NPAS3: variants seen among roughly 807,000 people sequenced by gnomAD.
The protein encoded by NPAS3 is neuronal PAS domain-containing protein 3.
NPAS3 carries 14 observed loss-of-function variants against 73.1 expected under a neutral mutation model. The observed-to-expected ratio is 0.19, with a 90% CI of 0.13 to 0.30. NPAS3 has a LOEUF of 0.30. Among genes scored for constraint, NPAS3 ranks in the 10% least tolerant of loss-of-function variants. The pLI is 1.00. For missense variants in NPAS3, 1,096 were observed against 1,250.0 expected (o/e 0.88, Z 1.86); for synonymous variants, 620 against 541.5 (o/e 1.14, Z -2.01).
intron 4 of NPAS3, among the ~76,000 whole-genome samples, chr14:33,415,582 G>A (rs910184797): frequency 2.0e-5 from 3 of 152,066 alleles, no homozygotes; most frequent in Non-Finnish European, 2.9e-5. Context: ...ATGTACCATA[G>A]CATACTTGAA....
chr14:33,362,986 T>C (rs528106101), intron 3 of NPAS3, among the ~76,000 whole-genome samples: 3 of 152,228 alleles, frequency 2.0e-5, no homozygotes, highest in South Asian at 2.1e-4. Context: ...CTGTGAACCA[T>C]GCTGGCAAGG....
intron 5 of NPAS3, among the ~76,000 whole-genome samples, chr14:33,664,860 C>T (rs1209268524): frequency 1.3e-5 from 2 of 152,166 alleles, no homozygotes; most frequent in African/African-American, 4.8e-5. Flanking sequence ...CAGGAAACAA[C>T]AGATCCTAGA....
intron 2 of NPAS3, among the ~76,000 whole-genome samples, chr14:33,166,118 T>C (rs963787783): frequency 3.3e-5 from 5 of 152,188 alleles, no homozygotes; most frequent in Non-Finnish European, 4.4e-5. Flanking sequence ...ACCGGCCTCA[T>C]AGGCCTGCGA....
intron 2 of NPAS3, among the ~76,000 whole-genome samples, chr14:33,101,886 A>C (rs1401805525): frequency 6.6e-6 from 1 of 151,982 alleles, no homozygotes; most frequent in Non-Finnish European, 1.5e-5. Context: ...CCTATCTTCT[A>C]TTTCAGTATA....
intron 1 of NPAS3, among the ~76,000 whole-genome samples, chr14:32,948,050 C>T (rs2036332616): frequency 6.6e-6 from 1 of 152,132 alleles, no homozygotes; most frequent in Non-Finnish European, 1.5e-5. Context: ...GATTCCTCTA[C>T]TGATTAAAGT....
chr14:33,449,013 G>A (rs145391892), intron 4 of NPAS3, among the ~76,000 whole-genome samples: 14 of 152,312 alleles, frequency 9.2e-5, no homozygotes, highest in African/African-American at 3.4e-4. Flanking sequence ...GGAAATAAAG[G>A]AGGAGAAGGG....
chr14:33,290,721 T>A (rs985907245), intron 3 of NPAS3, among the ~76,000 whole-genome samples: 1 of 152,226 alleles, frequency 6.6e-6, no homozygotes, highest in Non-Finnish European at 1.5e-5. Context: ...GGTGGTTTGC[T>A]TTCTTCCATA....
chr14:33,433,429 G>A (rs2048859531), intron 4 of NPAS3, among the ~76,000 whole-genome samples: 1 of 152,120 alleles, frequency 6.6e-6, no homozygotes, highest in Non-Finnish European at 1.5e-5. Context: ...TTCTGACCCT[G>A]AATTATTTAA....
At chr14:33,166,422 A>T (rs1272007008) in intron 2 of NPAS3, among the ~76,000 whole-genome samples, 1 of 152,010 alleles carries the variant, frequency 6.6e-6, no homozygotes, top group Admixed American at 6.6e-5. Context: ...TACAGCCTGC[A>T]TTCCACCCTG....
intron 6 of NPAS3, among the ~76,000 whole-genome samples, chr14:33,694,277 T>C (rs1012193878): frequency 5.9e-5 from 9 of 152,310 alleles, no homozygotes; most frequent in East Asian, 1.9e-4. Context: ...AGAAATGATA[T>C]GTGTTAGTCT....
chr14:32,985,055 A>G lies in NPAS3; in HGVS notation c.50+45689A>G, dbSNP rs528504783. ...AGCCAAATTATATGTATTCTTTCAT[A>G]CTGGGAGTTCTTTAAATTGTGGTAA... On this transcript the variant is annotated intron_variant, in intron 1 of 11. Coordinates refer to ENST00000356141, the Ensembl canonical transcript of NPAS3. Among the ~76,000 whole-genome samples, 10 of 152,318 alleles carry G rather than the reference A, an allele frequency of 6.6e-5. No individual in the cohort carries two copies. The East Asian group carries it at 1.7e-3, about 26-fold the overall frequency.
chr14:33,750,959 C>T (rs2140760234), intron 7 of NPAS3, among the ~76,000 whole-genome samples: 1 of 152,268 alleles, frequency 6.6e-6, no homozygotes, highest in East Asian at 1.9e-4. Context: ...ATAGGCTCAC[C>T]TACAGAGATA....
Position 33,445,391 on chromosome 14 carries a change from C to A in NPAS3, c.468+78123C>A, listed in dbSNP as rs759894733. On this transcript the variant is annotated intron_variant, in intron 4 of 11. Transcript: ENST00000356141. ...ACTGTCTTCTACTACAGCTATTCTC[C>A]TGTAGAATTTTACCTGTTTCACCCC... is the stretch of plus-strand genomic sequence containing the variant. 3.9e-5 allele frequency among the ~76,000 whole-genome samples: 6 copies of A among 152,212 alleles called. No individual in the cohort carries two copies. In the East Asian group the frequency reaches 1.2e-3, roughly 29 times the overall value.
At chr14:32,976,481 T>A (rs2037684182) in intron 1 of NPAS3, among the ~76,000 whole-genome samples, 1 of 152,204 alleles carries the variant, frequency 6.6e-6, no homozygotes, top group Non-Finnish European at 1.5e-5. Flanking sequence ...TATTCGTACT[T>A]TAGAAATGGA....
chr14:33,092,678 A>G (rs1338996376), intron 2 of NPAS3, among the ~76,000 whole-genome samples: 2 of 152,228 alleles, frequency 1.3e-5, no homozygotes, highest in Admixed American at 1.3e-4. Flanking sequence ...CTAAGCCAAA[A>G]GGACAAAGCT....
intron 4 of NPAS3, among the ~76,000 whole-genome samples, chr14:33,549,996 T>C (rs538502051): frequency 6.6e-6 from 1 of 152,274 alleles, no homozygotes; most frequent in South Asian, 2.1e-4. Flanking sequence ...CAACAAAAGA[T>C]TCACTTTAGG....
intron 3 of NPAS3, among the ~76,000 whole-genome samples, chr14:33,292,508 A>C (rs935316399): frequency 6.6e-6 from 1 of 152,170 alleles, no homozygotes; most frequent in South Asian, 2.1e-4. Context: ...TCTACTATAG[A>C]TATACCCTCA....
At chr14:33,772,836 AG>A (rs1196008352) in intron 7 of NPAS3, among the ~76,000 whole-genome samples, 4 of 152,336 alleles carry the variant, frequency 2.6e-5, no homozygotes, top group African/African-American at 9.6e-5. Flanking sequence ...CTTAAAGCAA[AG>A]GTGCATTAAG....
chr14:33,094,503 T>C (rs1033754544), intron 2 of NPAS3, among the ~76,000 whole-genome samples: 3 of 151,802 alleles, frequency 2.0e-5, no homozygotes, highest in Non-Finnish European at 4.4e-5. Context: ...TCTCACTCTG[T>C]TGCCCAGGCC....
Sources: gnomAD v4.1 joint callset for allele counts (sites outside exome capture counted in the v4.1 genomes callset) on GRCh38, gnomAD v4.1.1 for gene constraint, MANE v1.5 for transcripts, NCBI Gene and HGNC (gene_info 2026-07-23, HGNC 2026-07-21) for gene names.